AGBL1: variants seen among roughly 807,000 people sequenced by gnomAD.
AGBL1 encodes the protein cytosolic carboxypeptidase 4.
In AGBL1, 130 loss-of-function variants were observed where a neutral mutation model predicts 118.9. That is an observed-to-expected ratio of 1.09 (90% CI 0.95 to 1.26). AGBL1 has a LOEUF of 1.26. AGBL1 is among the 50% of genes most tolerant of loss of function. The pLI, the probability that AGBL1 is intolerant of heterozygous loss-of-function variation, is 0.00. For missense variants in AGBL1, 1,584 were observed against 1,298.1 expected, an observed-to-expected ratio of 1.22 and a Z score of -3.38; for synonymous variants, 555 against 478.9, an observed-to-expected ratio of 1.16 and a Z score of -2.08.
chr15:86,365,106 C>T (rs1002774445), intron 17 of AGBL1, among the ~76,000 whole-genome samples: 1 of 151,124 alleles, frequency 6.6e-6, no homozygotes, highest in African/African-American at 2.4e-5. Flanking sequence ...TTATTTACAT[C>T]TCCAGAACTG....
intron 18 of AGBL1, among the ~76,000 whole-genome samples, chr15:86,514,227 T>A (rs1484482169): frequency 6.6e-6 from 1 of 152,074 alleles, no homozygotes; most frequent in East Asian, 1.9e-4. Flanking sequence ...TACCTCTGAT[T>A]TCAATACAAA....
At chr15:86,588,352 G>C (rs902388694) in intron 21 of AGBL1, among the ~76,000 whole-genome samples, 2 of 152,272 alleles carry the variant, frequency 1.3e-5, no homozygotes, top group African/African-American at 4.8e-5. Flanking sequence ...CACTGACTGA[G>C]AGGATTCAGC....
At chr15:86,603,135 C>T (rs1198352154) in intron 21 of AGBL1, among the ~76,000 whole-genome samples, 1 of 152,128 alleles carries the variant, frequency 6.6e-6, no homozygotes, top group Non-Finnish European at 1.5e-5. Context: ...GAGGTGGTTT[C>T]CTTTTATTCT....
At chr15:86,417,941 C>A (rs560253581) in intron 18 of AGBL1, among the ~76,000 whole-genome samples, 3 of 152,238 alleles carry the variant, frequency 2.0e-5, no homozygotes, top group Non-Finnish European at 4.4e-5. Flanking sequence ...AATAAAGCCT[C>A]GAAGTTATTT....
At chr15:86,515,124 C>T (rs1165765337) in intron 18 of AGBL1, among the ~76,000 whole-genome samples, 1 of 152,180 alleles carries the variant, frequency 6.6e-6, no homozygotes, top group East Asian at 1.9e-4. Flanking sequence ...TCTAGGTATG[C>T]TGCAATGTTA....
intron 1 of AGBL1, among the ~76,000 whole-genome samples, chr15:86,141,632 CA>C (rs2076965114): frequency 2.6e-5 from 4 of 152,204 alleles, no homozygotes; most frequent in Admixed American, 2.6e-4. Flanking sequence ...GCCTGGGCAA[CA>C]GAGCAAGACT....
chr15:86,480,998 A>G (rs1323298347), intron 18 of AGBL1, among the ~76,000 whole-genome samples: 1 of 152,026 alleles, frequency 6.6e-6, no homozygotes, highest in Non-Finnish European at 1.5e-5. Flanking sequence ...CCTGCCATTT[A>G]AGGCTGGTGA....
At chr15:86,606,732 C>A (rs1437051079) in intron 21 of AGBL1, among the ~76,000 whole-genome samples, 1 of 152,242 alleles carries the variant, frequency 6.6e-6, no homozygotes, top group South Asian at 2.1e-4. Context: ...CATATATCCC[C>A]TTTCTCTCCT....
At chr15:86,418,973 C>T (rs917224260) in intron 18 of AGBL1, among the ~76,000 whole-genome samples, 1 of 152,106 alleles carries the variant, frequency 6.6e-6, no homozygotes, top group East Asian at 1.9e-4. Context: ...CTTCCATTGA[C>T]TTAATGCTCT....
intron 22 of AGBL1, among the ~76,000 whole-genome samples, chr15:86,787,376 A>G (rs1176502269): frequency 1.3e-5 from 2 of 152,096 alleles, no homozygotes; most frequent in African/African-American, 4.8e-5. Flanking sequence ...AGACTTACTC[A>G]TTCTATGTAA....
intron 5 of AGBL1, among the ~76,000 whole-genome samples, chr15:86,179,062 A>G (rs2141782779): frequency 6.6e-6 from 1 of 152,348 alleles, no homozygotes; most frequent in South Asian, 2.1e-4. Context: ...TGGTCTGGCC[A>G]GCAGCAACAA....
intron 22 of AGBL1, among the ~76,000 whole-genome samples, chr15:86,842,239 C>CTTCACCTGCCTTGT (rs2079256220): frequency 1.3e-5 from 2 of 150,218 alleles, no homozygotes; most frequent in South Asian, 4.2e-4. Context: ...AAAAGTGCAA[C>CTTCACCTGCCTTGT]TTCACCTGCC....
At chr15:86,127,803 G>A (rs948724274) in intron 1 of AGBL1, among the ~76,000 whole-genome samples, 7 of 152,146 alleles carry the variant, frequency 4.6e-5, no homozygotes, top group African/African-American at 1.4e-4. Flanking sequence ...TCCTGTGAGA[G>A]GTCCTCTGTA....
At chr15:87,017,759 A>G (rs2081621882) in intron 24 of AGBL1, among the ~76,000 whole-genome samples, 1 of 152,152 alleles carries the variant, frequency 6.6e-6, no homozygotes, top group South Asian at 2.1e-4. Flanking sequence ...TTATTGCAGC[A>G]TCTCTCCAGG....
At chr15:86,686,396 A>T (rs974800519) in intron 22 of AGBL1, among the ~76,000 whole-genome samples, 1 of 151,600 alleles carries the variant, frequency 6.6e-6, no homozygotes, top group African/African-American at 2.4e-5. Flanking sequence ...TAATGGCACT[A>T]CTGATAATAG....
chr15:86,665,313 T>G (rs1231843732), intron 21 of AGBL1, among the ~76,000 whole-genome samples: 1 of 150,252 alleles, frequency 6.7e-6, no homozygotes, highest in East Asian at 2.0e-4. Flanking sequence ...TTAAACACTA[T>G]TAAGGCTTTC....
intron 17 of AGBL1, among the ~76,000 whole-genome samples, chr15:86,350,371 T>G (rs2080606238): frequency 2.0e-5 from 3 of 152,210 alleles, no homozygotes; most frequent in African/African-American, 7.2e-5. Context: ...TTCAAGCTGA[T>G]GTGAAGTCTT....
intron 1 of AGBL1, among the ~76,000 whole-genome samples, chr15:86,104,842 T>C (rs1896942911): frequency 6.6e-6 from 1 of 152,086 alleles, no homozygotes; most frequent in Non-Finnish European, 1.5e-5. Context: ...GTAATGCCAG[T>C]GTACGATCTC....
chr15:86,150,576 A>G (rs111679239), intron 3 of AGBL1, among the ~76,000 whole-genome samples: 1 of 152,176 alleles, frequency 6.6e-6, no homozygotes, highest in African/African-American at 2.4e-5. Context: ...TAAACCAGGA[A>G]GAAGTTGAAT....
Sources: gnomAD v4.1 joint callset for allele counts (sites outside exome capture counted in the v4.1 genomes callset) on GRCh38, gnomAD v4.1.1 for gene constraint, MANE v1.5 for transcripts, NCBI Gene and HGNC (gene_info 2026-07-23, HGNC 2026-07-21) for gene names.